Variants in DHX33 observed in about 807,000 individuals in gnomAD.
DHX33 encodes ATP-dependent RNA helicase DHX33.
A neutral mutation model predicts 72.5 loss-of-function variants in DHX33; 42 were observed. That is an observed-to-expected ratio of 0.58 (90% CI 0.45 to 0.75). DHX33 has a LOEUF of 0.75. Among genes scored for constraint, DHX33 ranks in the 30% least tolerant of loss-of-function variants. The pLI is 0.00. For missense variants in DHX33, 842 were observed against 917.5 expected, an observed-to-expected ratio of 0.92 and a Z score of 1.06; for synonymous variants, 358 against 366.1, an observed-to-expected ratio of 0.98 and a Z score of 0.25.
rs1916503479 is a variant in DHX33 at position 5,443,272 on chromosome 17, C to T, written c.*933G>A. On this transcript the variant is annotated 3_prime_UTR_variant, in exon 12 of 12. Transcript: ENST00000225296. ...GACCAGGGGACTGCCCGAAAAGAAA[C>T]AGCTGAAATGGTACACAGTCACTCC... 7.0e-6 allele frequency: 1 copy of T among 143,808 alleles called. No homozygotes were observed. The highest frequency in any genetic ancestry group is 2.6e-5 in the African/African-American group (1 of 38,520). 8.9% of individuals were successfully genotyped at this position (143,808 alleles called of 1,614,324 possible).
chr17:5,466,849 G>C (rs1904892067), intron 1 of DHX33, among the ~76,000 whole-genome samples: 1 of 152,146 alleles, frequency 6.6e-6, no homozygotes, highest in Non-Finnish European at 1.5e-5. Flanking sequence ...AAAGGTAAAG[G>C]TTGCTAAAAG....
chr17:5,455,680 C>T (rs1917159493), intron 5 of DHX33, among the ~76,000 whole-genome samples: 1 of 152,232 alleles, frequency 6.6e-6, no homozygotes, highest in Non-Finnish European at 1.5e-5. Context: ...TAGCACAGTG[C>T]CTGGCACGGC....
chr17:5,458,291 C>T (rs1284013511), intron 4 of DHX33, among the ~76,000 whole-genome samples: 1 of 151,906 alleles, frequency 6.6e-6, no homozygotes, highest in Admixed American at 6.6e-5. Context: ...CAGAACTATA[C>T]ACGACTGGCA....
intron 4 of DHX33, among the ~76,000 whole-genome samples, chr17:5,460,273 C>G (rs984747764): frequency 1.2e-4 from 18 of 152,120 alleles, no homozygotes; most frequent in African/African-American, 4.3e-4. Flanking sequence ...CTCGGCCTCC[C>G]AAAGTGCTGG....
In DHX33 at chr17:5,444,637, T is replaced by C. The variant is rs1250408946; in HGVS notation, c.1816-124A>G. The C allele has an allele frequency of 1.0e-6, 1 of 998,456 alleles. No individual in the cohort carries two copies. The highest frequency in any genetic ancestry group is 1.6e-5 in the African/African-American group (1 of 61,744). 61.8% of individuals were successfully genotyped at this position (998,456 alleles called of 1,614,324 possible). ...GCAGCCCACATTGTGAGCCTAACGA[T>C]GTGGATTCTGACATTCGGAGGTGGT... On this transcript the variant is annotated intron_variant, in intron 11 of 11. Coordinates refer to ENST00000225296, the MANE Select transcript of DHX33 (RefSeq NM_020162.4). This position sits in a 1 kb window ranked among gnomAD's most constrained non-coding sequence, Gnocchi z 4.9.
rs369879439 is a variant in DHX33, at chr17:5,456,774, A to C, written c.850-592T>G. 4.6e-5 allele frequency among the ~76,000 whole-genome samples: 7 copies of C among 152,234 alleles called. No homozygotes were observed. The East Asian group carries it at 5.8e-4, about 13-fold the overall frequency. On this transcript the variant is annotated intron_variant, in intron 4 of 11. Transcript: ENST00000225296. Reference sequence around the variant, plus strand: ...CTTTCTTTTATAAGCATCTTGAAAAATGAAGTTGACAAAACAGAAGGAAAC... The same window carrying C: ...CTTTCTTTTATAAGCATCTTGAAAACTGAAGTTGACAAAACAGAAGGAAAC...
chr17:5,447,303 A>C (rs1916693678), intron 11 of DHX33, among the ~76,000 whole-genome samples: 1 of 152,006 alleles, frequency 6.6e-6, no homozygotes, highest in Non-Finnish European at 1.5e-5. Flanking sequence ...GGATCGCCTG[A>C]GGTCAGGAGT....
intron 1 of DHX33, among the ~76,000 whole-genome samples, chr17:5,467,383 C>T (rs925421620): frequency 6.6e-6 from 1 of 152,144 alleles, no homozygotes; most frequent in African/African-American, 2.4e-5. Context: ...AAGAACATGC[C>T]GTCCCTCCTC....
At position 5,444,658 on chromosome 17, in the gene DHX33, G is replaced by C; in HGVS notation, c.1816-145C>G. The C allele has an allele frequency of 1.1e-6, 1 of 891,240 alleles. No individual in the cohort carries two copies. Among genetic ancestry groups the C allele is most frequent in the African/African-American group, 1.7e-5 (1 of 59,690 alleles). 55.2% of individuals were successfully genotyped at this position (891,240 alleles called of 1,614,324 possible). ...ACGATGTGGATTCTGACATTCGGAG[G>C]TGGTCACCAAGGATCAGCAAGGTCA... On this transcript the variant is annotated intron_variant, in intron 11 of 11. Transcript: ENST00000225296. The surrounding 1 kb of genome is among the most constrained non-coding windows in gnomAD (Gnocchi z 4.9).
chr17:5,464,028 T>G (rs1046586995), intron 1 of DHX33, among the ~76,000 whole-genome samples: 4 of 150,736 alleles, frequency 2.7e-5, no homozygotes, highest in African/African-American at 9.8e-5. Context: ...AAAAAAATAA[T>G]AAAAATAAAA....
intron 10 of DHX33, among the ~76,000 whole-genome samples, chr17:5,449,648 G>T (rs543753935): frequency 6.6e-6 from 1 of 152,294 alleles, no homozygotes; most frequent in African/African-American, 2.4e-5. Context: ...TGTTGGCCAG[G>T]CTGGTCTGGA....
rs565507026 is a variant in DHX33 at position 5,462,229 on chromosome 17, C to T, written c.678+90G>A. The stretch of plus-strand genomic sequence containing the variant: ...TGCTGGGATTACAGGCGTGAGCCAC[C>T]GCGCCCAGCCAGGCCTGTTTCCTTC... On this transcript the variant is annotated intron_variant, in intron 3 of 11. Transcript: ENST00000225296. 2,970 of 1,278,284 alleles carry T rather than the reference C, an allele frequency of 2.3e-3. 8 individuals are homozygous for T. The highest frequency in any genetic ancestry group is 2.9e-3 in the Non-Finnish European group (2,640 of 921,040). The allele number at this position is 1,278,284 out of a possible 1,614,324, so 79.2% of individuals were successfully genotyped here.
chr17:5,465,831 TC>T (rs1366088969), intron 1 of DHX33, among the ~76,000 whole-genome samples: 2 of 152,188 alleles, frequency 1.3e-5, no homozygotes, highest in Non-Finnish European at 2.9e-5. Flanking sequence ...TGAGCAGGGC[TC>T]CTGAACCTGT....
Position 5,441,603 on chromosome 17 carries a change from G to C in DHX33, c.*2602C>G, listed in dbSNP as rs1020690692. 6.6e-6 allele frequency: 1 copy of C among 152,118 alleles called. No individual in the cohort carries two copies. The highest frequency in any genetic ancestry group is 2.1e-4 in the South Asian group (1 of 4,826). 9.4% of individuals were successfully genotyped at this position (152,118 alleles called of 1,614,324 possible). A position where few individuals can be genotyped will look rare whatever the true frequency, so the allele number is the denominator to read the frequency against. On this transcript the variant is annotated 3_prime_UTR_variant, in exon 12 of 12. Coordinates refer to ENST00000225296, the MANE Select transcript of DHX33 (RefSeq NM_020162.4). ...TCTCCTGCAGCTCAATATAAACAAC[G>C]ATGTATTTCTTTGTAGCAGTATGTG... is the stretch of plus-strand genomic sequence containing the variant.
rs764570815 is a variant in DHX33 at position 5,468,521 on chromosome 17, C to T, written c.289+50G>A. ...AGGCATGTAAGAAAAACTGCTCTAG[C>T]TAAGCCACGGACGAAGTGCAAGGAA... is the stretch of plus-strand genomic sequence containing the variant. On this transcript the variant is annotated intron_variant, in intron 1 of 11. Coordinates refer to ENST00000225296, the MANE Select transcript of DHX33 (RefSeq NM_020162.4). 2.5e-6 allele frequency: 4 copies of T among 1,575,262 alleles called. No homozygotes were observed. The East Asian group carries it at 6.9e-5, about 27-fold the overall frequency.
chr17:5,466,571 T>C (rs911699780), intron 1 of DHX33, among the ~76,000 whole-genome samples: 1 of 152,338 alleles, frequency 6.6e-6, no homozygotes. Context: ...GTGTCAGAGA[T>C]AGTCTGTGAA....
In DHX33 at chr17:5,455,621, A is replaced by T. The variant is rs572888155; in HGVS notation, c.1036-350T>A. 2.2e-4 allele frequency among the ~76,000 whole-genome samples: 33 copies of T among 152,314 alleles called. No homozygotes were observed. In the South Asian group the frequency reaches 6.6e-3, roughly 31 times the overall value. ...GCCTCAGGATCCCCATGGGATCATA[A>T]CCTGCCTTGCCGGTTCCCACGAGGA... On this transcript the variant is annotated intron_variant, in intron 5 of 11. Transcript: ENST00000225296.
chr17:5,450,529 C>CA, intron 9 of DHX33, 123 bp from the exon 10 acceptor site: 2 of 1,086,130 alleles, frequency 1.8e-6, no homozygotes, highest in Non-Finnish European at 2.6e-6. Context: ...TTTCTAAAAC[C>CA]ATGGCGATGT....
intron 10 of DHX33, 85 bp from the exon 11 acceptor site, chr17:5,448,980 G>T: frequency 9.6e-7 from 1 of 1,039,346 alleles, no homozygotes; most frequent in Non-Finnish European, 1.4e-6. Flanking sequence ...TGTTCCCTAG[G>T]CTGGAGTGCA....
Sources: gnomAD v4.1 joint callset for allele counts (sites outside exome capture counted in the v4.1 genomes callset) on GRCh38, gnomAD v4.1.1 for gene constraint, Gnocchi (gnomAD v3.1) non-coding constraint, MANE v1.5 for transcripts, NCBI Gene and HGNC (gene_info 2026-07-23, HGNC 2026-07-21) for gene names.